Variants in CHN2 observed in about 807,000 individuals in gnomAD.
CHN2 encodes beta-chimaerin.
Under a neutral mutation model 56.3 loss-of-function variants are expected in CHN2, and 35 were observed. The ratio of observed to expected loss-of-function variants is 0.62; its 90% CI spans 0.47 to 0.82. The LOEUF is 0.82. Among genes scored for constraint, CHN2 ranks in the 40% least tolerant of loss-of-function variants. CHN2 has a pLI of 0.00. For missense variants in CHN2, 491 were observed against 580.5 expected, an observed-to-expected ratio of 0.85 and a Z score of 1.58; for synonymous variants, 210 against 212.8, an observed-to-expected ratio of 0.99 and a Z score of 0.12.
intron 3 of CHN2, among the ~76,000 whole-genome samples, chr7:29,387,555 G>A (rs1264513979): frequency 2.0e-5 from 3 of 152,164 alleles, no homozygotes. Flanking sequence ...ATGTATCTAT[G>A]AATCCCCTTA....
chr7:29,346,134 A>T (rs1019395773), intron 1 of CHN2, among the ~76,000 whole-genome samples: 1 of 152,152 alleles, frequency 6.6e-6, no homozygotes, highest in Non-Finnish European at 1.5e-5. Context: ...GTTTTGCAGC[A>T]GTCAGGATGA....
At chr7:29,149,045 G>C (rs17756163) in intron 2 of CHN2, among the ~76,000 whole-genome samples, 8,139 of 152,202 alleles carry the variant, frequency 0.053, 267 homozygotes, top group Middle Eastern at 0.11. Flanking sequence ...TGGACTGTGC[G>C]ACACCAGGCG....
intron 2 of CHN2, among the ~76,000 whole-genome samples, chr7:29,188,581 C>T (rs1197611305): frequency 6.6e-6 from 1 of 151,586 alleles, no homozygotes; most frequent in African/African-American, 2.4e-5. Context: ...GAACGTATAG[C>T]TGCTACAGGG....
At chr7:29,208,559 G>A (rs901578688) in intron 1 of CHN2, among the ~76,000 whole-genome samples, 24 of 152,086 alleles carry the variant, frequency 1.6e-4, no homozygotes, top group African/African-American at 5.1e-4. Context: ...GGCCTCTGCG[G>A]TTCCCCTGAC....
At chr7:29,382,498 G>T (rs987086824) in intron 3 of CHN2, among the ~76,000 whole-genome samples, 1 of 152,210 alleles carries the variant, frequency 6.6e-6, no homozygotes, top group Non-Finnish European at 1.5e-5. Flanking sequence ...TGAAATTTCA[G>T]TGAGCCCCAG....
chr7:29,301,490 C>T (rs758234577), intron 1 of CHN2, among the ~76,000 whole-genome samples: 13 of 151,976 alleles, frequency 8.6e-5, no homozygotes, highest in South Asian at 2.1e-4. Flanking sequence ...GTGTCCTGAA[C>T]GCTGGATGAT....
chr7:29,264,999 C>CATAGT (rs1790019154), intron 1 of CHN2, among the ~76,000 whole-genome samples: 1 of 151,998 alleles, frequency 6.6e-6, no homozygotes, highest in African/African-American at 2.4e-5. Flanking sequence ...TCTCTGAAAT[C>CATAGT]ATAGTGAAAT....
At chr7:29,160,837 A>C (rs1240730567) in intron 2 of CHN2, among the ~76,000 whole-genome samples, 3 of 152,212 alleles carry the variant, frequency 2.0e-5, no homozygotes, top group African/African-American at 7.2e-5. Context: ...TCACATTCAA[A>C]TGATAATATC....
At chr7:29,328,890 TGCAA>T (rs1013592176) in intron 1 of CHN2, among the ~76,000 whole-genome samples, 10 of 152,238 alleles carry the variant, frequency 6.6e-5, no homozygotes, top group African/African-American at 2.4e-4. Context: ...AGAAAAGTTT[TGCAA>T]TAACTGCTGT....
chr7:29,310,632 A>C (rs576272843), intron 1 of CHN2, among the ~76,000 whole-genome samples: 38 of 152,384 alleles, frequency 2.5e-4, no homozygotes, highest in African/African-American at 8.7e-4. Flanking sequence ...TAACAAAAAC[A>C]TCACAGAGTG....
At chr7:29,210,622 T>C (rs1022339758) in intron 1 of CHN2, among the ~76,000 whole-genome samples, 2 of 150,920 alleles carry the variant, frequency 1.3e-5, no homozygotes, top group Admixed American at 1.3e-4. Flanking sequence ...ATCTTATATA[T>C]ATAATTATAT....
chr7:29,362,921 A>G (rs988383479), intron 2 of CHN2, among the ~76,000 whole-genome samples: 19 of 152,202 alleles, frequency 1.2e-4, no homozygotes, highest in African/African-American at 4.6e-4. Flanking sequence ...TCATTCACCA[A>G]ATAATTAAAA....
chr7:29,206,363 C>T (rs1197674998), intron 1 of CHN2, among the ~76,000 whole-genome samples: 2 of 152,064 alleles, frequency 1.3e-5, no homozygotes, highest in South Asian at 2.1e-4. Flanking sequence ...CTCACTGCAC[C>T]CTGCGCTTCC....
At position 29,367,875 on chromosome 7, in the gene CHN2, G is replaced by A. The variant is rs369496755; in HGVS notation, c.89-57G>A. The A allele has an allele frequency of 3.1e-5, 45 of 1,464,264 alleles. No homozygotes were observed. In the East Asian group the frequency reaches 9.9e-4, roughly 32 times the overall value. The allele number at this position is 1,464,264 out of a possible 1,614,324, so 90.7% of individuals were successfully genotyped here. On this transcript the variant is annotated intron_variant, in intron 2 of 12. Coordinates refer to ENST00000222792, the MANE Select transcript of CHN2 (RefSeq NM_004067.4). ...GAAATATTTGAAGGCACGTTGATAT[G>A]TGTTGCAGTATTCTAATTCTAATTA...
At chr7:29,492,807 T>C (rs1443180943) in intron 7 of CHN2, among the ~76,000 whole-genome samples, 1 of 152,208 alleles carries the variant, frequency 6.6e-6, no homozygotes, top group Non-Finnish European at 1.5e-5. Context: ...GCTAATGACT[T>C]CCATGTATCT....
chr7:29,390,476 T>C (rs889582437), intron 3 of CHN2, among the ~76,000 whole-genome samples: 31 of 152,228 alleles, frequency 2.0e-4, no homozygotes, highest in African/African-American at 6.0e-4. Flanking sequence ...GTCTTCATTC[T>C]TGTCATGATA....
rs139914450 is a variant in CHN2 at position 29,222,106 on chromosome 7, T to G, written c.49+27116T>G. 5.7e-3 allele frequency among the ~76,000 whole-genome samples: 874 copies of G among 152,166 alleles called. 7 individuals are homozygous for G. Among genetic ancestry groups the G allele is most frequent in the Middle Eastern group, 0.051 (15 of 292 alleles). On this transcript the variant is annotated intron_variant, in intron 1 of 12. Transcript: ENST00000222792. ...AGCCAAATCAGGAAGGATCTCCCAT[T>G]CACAATTGCTACAAAAAGAATAAAA...
intron 4 of CHN2, among the ~76,000 whole-genome samples, chr7:29,395,285 G>A (rs1391801416): frequency 6.6e-6 from 1 of 152,198 alleles, no homozygotes; most frequent in Non-Finnish European, 1.5e-5. Context: ...CACTTTGGGA[G>A]GCCAGGGAAG....
At chr7:29,390,875 A>G (rs1459398161) in intron 3 of CHN2, among the ~76,000 whole-genome samples, 2 of 152,088 alleles carry the variant, frequency 1.3e-5, no homozygotes, top group Non-Finnish European at 2.9e-5. Flanking sequence ...TTCTTTCTGG[A>G]TCTGAGGATC....
Sources: gnomAD v4.1 joint callset for allele counts (sites outside exome capture counted in the v4.1 genomes callset) on GRCh38, gnomAD v4.1.1 for gene constraint, MANE v1.5 for transcripts, NCBI Gene and HGNC (gene_info 2026-07-23, HGNC 2026-07-21) for gene names.